The following TXNRD2 variants were observed in gnomAD, a reference collection of about 807,000 sequenced individuals.
TXNRD2 encodes the protein thioredoxin reductase 2, mitochondrial.
TXNRD2 carries 67 observed loss-of-function variants against 70.8 expected under a neutral mutation model. That is an observed-to-expected ratio of 0.95 (90% CI 0.78 to 1.16). TXNRD2 has a LOEUF of 1.16. Ranked by LOEUF, TXNRD2 falls within the 50% of genes most tolerant of loss-of-function variation. TXNRD2 has a pLI of 0.00. For synonymous variants in TXNRD2, 301 were observed against 295.8 expected (o/e 1.02, Z -0.18); for missense variants, 644 against 719.9 (o/e 0.89, Z 1.21).
At chr22:19,903,606 T>C (rs1403309017) in intron 8 of TXNRD2, among the ~76,000 whole-genome samples, 6 of 152,162 alleles carry the variant, frequency 3.9e-5, no homozygotes, top group Admixed American at 6.5e-5. Flanking sequence ...GGCAGGAAGA[T>C]TGTGCGGCTG....
At chr22:19,918,469 C>T (rs1940738531) in intron 4 of TXNRD2, among the ~76,000 whole-genome samples, 1 of 152,236 alleles carries the variant, frequency 6.6e-6, no homozygotes, top group African/African-American at 2.4e-5. Context: ...CTCTGTGCCC[C>T]AAAGGCTACC....
chr22:19,908,555 A>T (rs958323500), intron 8 of TXNRD2, among the ~76,000 whole-genome samples: 3 of 152,216 alleles, frequency 2.0e-5, no homozygotes, highest in Non-Finnish European at 4.4e-5. Flanking sequence ...GTGAGAATGT[A>T]AGATGGTGTG....
intron 15 of TXNRD2, 22 bp downstream of exon 15, chr22:19,878,344 C>G (rs1407401265): frequency 6.2e-7 from 1 of 1,613,512 alleles, no homozygotes; most frequent in Non-Finnish European, 8.5e-7. Context: ...TCCTCAGCAC[C>G]CTGGGCCACA....
Position 19,941,775 on chromosome 22 carries a change from C to G in TXNRD2, c.29G>C (p.Gly10Ala), listed in dbSNP as rs1159919237. 6.6e-7 allele frequency: 1 copy of G among 1,525,580 alleles called. No homozygotes were observed. Among genetic ancestry groups the G allele is most frequent in the Non-Finnish European group, 8.7e-7 (1 of 1,146,386 alleles). The allele number at this position is 1,525,580 out of a possible 1,614,324, so 94.5% of individuals were successfully genotyped here. A position where few individuals can be genotyped will look rare whatever the true frequency, so the allele number is the denominator to read the frequency against. Residue 10 changes from glycine (G) to alanine (A), a missense_variant, in exon 1 of 18, where the codon GGA becomes GCA. By Grantham distance (60) the Gly-to-Ala change is moderately conservative (BLOSUM62 0). Coordinates refer to ENST00000400521, the MANE Select transcript of TXNRD2 (RefSeq NM_006440.5). MAAMAVALR[G>A]LGGRFRWRTQ... The stretch of plus-strand genomic sequence containing the variant: ...CCGCCACCGGAAGCGCCCTCCTAAT[C>G]CCCGCAGCGCCACCGCCATTGCCGC...
At chr22:19,883,245 C>G (rs746714996) in intron 12 of TXNRD2, 80 bp downstream of exon 12, 4 of 1,552,228 alleles carry the variant, frequency 2.6e-6, no homozygotes, top group Non-Finnish European at 8.8e-7. Flanking sequence ...TCCTACAGGA[C>G]GGCAGCAGCC....
intron 3 of TXNRD2, 97 bp downstream of exon 3, chr22:19,919,446 C>T (rs1307822017): frequency 1.8e-6 from 2 of 1,098,248 alleles, no homozygotes; most frequent in East Asian, 2.6e-5. Context: ...GACAGCAGGG[C>T]TGAAGGACTT....
chr22:19,895,675 G>A (rs961125020), intron 10 of TXNRD2, 94 bp from the exon 11 acceptor site: 29 of 1,437,270 alleles, frequency 2.0e-5, no homozygotes, highest in Admixed American at 5.5e-5. Context: ...AATGAAGGGC[G>A]GAGAGGGGTC....
intron 11 of TXNRD2, among the ~76,000 whole-genome samples, chr22:19,891,211 C>T (rs960351590): frequency 1.6e-4 from 25 of 152,198 alleles, no homozygotes; most frequent in Non-Finnish European, 3.1e-4. Context: ...CCCTGGGTCT[C>T]GTCTCACCTG....
In TXNRD2 at chr22:19,895,396, C is replaced by T. The variant is rs772807846; in HGVS notation, c.949+11G>A. On this transcript the variant is annotated intron_variant, in intron 11 of 17. Transcript: ENST00000400521. ...ACCAGAGACAGAGCGTGTGGCTCGA[C>T]GTGCCCTTACCTATGGCCCACAGGA... The T allele has an allele frequency of 5.5e-5, 88 of 1,613,696 alleles. No homozygotes were observed. The highest frequency in any genetic ancestry group is 3.3e-4 in the Middle Eastern group (2 of 6,080).
At chr22:19,900,375 C>T (rs956579034) in intron 8 of TXNRD2, among the ~76,000 whole-genome samples, 1 of 152,226 alleles carries the variant, frequency 6.6e-6, no homozygotes, top group African/African-American at 2.4e-5. Flanking sequence ...CATCTCTACA[C>T]GGAAGTGCAC....
chr22:19,914,436 C>A (rs1329243135), intron 7 of TXNRD2, among the ~76,000 whole-genome samples: 1 of 152,246 alleles, frequency 6.6e-6, no homozygotes, highest in Non-Finnish European at 1.5e-5. Flanking sequence ...GATACTGACA[C>A]ACACTACAAT....
chr22:19,886,265 T>C (rs986575867), intron 11 of TXNRD2, among the ~76,000 whole-genome samples: 121 of 152,254 alleles, frequency 7.9e-4, no homozygotes, highest in African/African-American at 2.8e-3. Flanking sequence ...TCCACTTGGG[T>C]GGGGCCACGT....
intron 14 of TXNRD2, 63 bp downstream of exon 14, chr22:19,880,116 C>T (rs1041715818): frequency 3.5e-5 from 55 of 1,560,316 alleles, no homozygotes; most frequent in South Asian, 3.2e-4. Flanking sequence ...GGCCTCCGCC[C>T]AGAGCATGGG....
At chr22:19,877,451 C>A (rs1053382001) in intron 16 of TXNRD2, among the ~76,000 whole-genome samples, 1 of 152,132 alleles carries the variant, frequency 6.6e-6, no homozygotes, top group Non-Finnish European at 1.5e-5. Context: ...TCCCACCCAG[C>A]CACGCCCTGG....
chr22:19,917,303 G>A (rs1428209784), intron 5 of TXNRD2, among the ~76,000 whole-genome samples: 2 of 152,194 alleles, frequency 1.3e-5, no homozygotes, highest in African/African-American at 2.4e-5. Context: ...GAGCCCCACA[G>A]AGAAACACAG....
At chr22:19,933,476 C>G in intron 1 of TXNRD2, 1 of 1,289,702 alleles carries the variant, frequency 7.8e-7, no homozygotes, top group Non-Finnish European at 1.0e-6. Context: ...CATAGCAGGG[C>G]CCTTGTTAGG....
chr22:19,912,376 C>G (rs1283383439), intron 7 of TXNRD2, among the ~76,000 whole-genome samples: 1 of 152,240 alleles, frequency 6.6e-6, no homozygotes, highest in Non-Finnish European at 1.5e-5. Flanking sequence ...GAGAGCGAAG[C>G]AGCCCTGAGC....
intron 6 of TXNRD2, 115 bp from the exon 7 acceptor site, chr22:19,915,391 G>A (rs186583585): frequency 2.1e-4 from 231 of 1,083,260 alleles, no homozygotes; most frequent in Non-Finnish European, 3.0e-4. Flanking sequence ...GCCCTGTAGC[G>A]TGGACCCTTG....
intron 10 of TXNRD2, among the ~76,000 whole-genome samples, chr22:19,896,845 G>C (rs1284976531): frequency 6.6e-6 from 1 of 152,176 alleles, no homozygotes; most frequent in Non-Finnish European, 1.5e-5. Flanking sequence ...CTGCAGAGGG[G>C]CTGCCGCACA....
Sources: allele counts gnomAD v4.1 joint callset (sites outside exome capture counted in the v4.1 genomes callset), GRCh38; gene constraint gnomAD v4.1.1; transcripts MANE v1.5; gene names NCBI Gene and HGNC (gene_info 2026-07-23, HGNC 2026-07-21).